The following EIF3H variants were observed in gnomAD, a reference collection of about 807,000 sequenced individuals.
EIF3H encodes eukaryotic translation initiation factor 3 subunit H.
In EIF3H, 26 loss-of-function variants were observed where a neutral mutation model predicts 44.2. That is an observed-to-expected ratio of 0.59 (90% CI 0.43 to 0.82). The LOEUF is 0.82. EIF3H is among the 40% of genes least tolerant of loss of function. The pLI, the probability that EIF3H is intolerant of heterozygous loss-of-function variation, is 0.00. For missense variants in EIF3H, 359 were observed against 432.8 expected, an observed-to-expected ratio of 0.83 and a Z score of 1.51; for synonymous variants, 166 against 151.9, an observed-to-expected ratio of 1.09 and a Z score of -0.68.
intron 1 of EIF3H, among the ~76,000 whole-genome samples, chr8:116,755,202 G>A (rs1173695712): frequency 6.6e-6 from 1 of 152,160 alleles, no homozygotes; most frequent in Non-Finnish European, 1.5e-5. Flanking sequence ...TTCAGATAAA[G>A]CGCCGAAGTA....
intron 2 of EIF3H, among the ~76,000 whole-genome samples, chr8:116,716,519 T>C (rs1814661224): frequency 6.6e-6 from 1 of 152,054 alleles, no homozygotes; most frequent in Admixed American, 6.6e-5. Context: ...AGAACAAATA[T>C]CGCACAAAAA....
At chr8:116,735,663 A>C (rs879468855) in intron 1 of EIF3H, among the ~76,000 whole-genome samples, 2 of 152,032 alleles carry the variant, frequency 1.3e-5, no homozygotes, top group Non-Finnish European at 2.9e-5. Flanking sequence ...CACCACCACC[A>C]CCACCACATA....
At chr8:116,680,600 T>C (rs1813966226) in intron 2 of EIF3H, among the ~76,000 whole-genome samples, 1 of 113,698 alleles carries the variant, frequency 8.8e-6, no homozygotes, top group Admixed American at 9.4e-5. Flanking sequence ...GTGCAAGATG[T>C]GCTTTGTTAA....
At chr8:116,703,972 C>A (rs999128514) in intron 2 of EIF3H, among the ~76,000 whole-genome samples, 6 of 152,220 alleles carry the variant, frequency 3.9e-5, no homozygotes, top group Non-Finnish European at 8.8e-5. Flanking sequence ...CAGGAGGCAG[C>A]ACTCGTGGTT....
At chr8:116,678,325 C>G (rs1484821608) in intron 2 of EIF3H, among the ~76,000 whole-genome samples, 2 of 150,806 alleles carry the variant, frequency 1.3e-5, no homozygotes, top group African/African-American at 4.9e-5. Context: ...AGTGCAGTGG[C>G]GTGATCTTGG....
chr8:116,647,379 C>T (rs1419359768), intron 6 of EIF3H, among the ~76,000 whole-genome samples: 3 of 152,120 alleles, frequency 2.0e-5, no homozygotes, highest in Non-Finnish European at 4.4e-5. Flanking sequence ...GGATTACAGG[C>T]GAGAGCCACC....
chr8:116,683,617 T>G (rs531270394), intron 2 of EIF3H, among the ~76,000 whole-genome samples: 7 of 152,204 alleles, frequency 4.6e-5, no homozygotes, highest in African/African-American at 1.7e-4. Flanking sequence ...TGATGGTACG[T>G]GTGCATGGGG....
rs774767420 is a variant in EIF3H, at chr8:116,646,570, G to A, written c.862C>T (p.Arg288Cys). Reference protein sequence around the residue: ...QQRRQQENMQRQSRGEPPLPE... With the variant: ...QQRRQQENMQCQSRGEPPLPE... Reference sequence around the variant, plus strand: ...AGCGGGGGTTCTCCTCGGCTCTGGCGCTGCATATTCTCCTGCTGGCGACGC... The same window carrying A: ...AGCGGGGGTTCTCCTCGGCTCTGGCACTGCATATTCTCCTGCTGGCGACGC... The change falls in exon 7 of 8, where the codon CGC (arginine) becomes TGC (cysteine). Residue 288 changes from arginine to cysteine, a missense_variant. Transcript: ENST00000521861. The A allele has an allele frequency of 9.3e-6, 15 of 1,614,094 alleles. No homozygotes were observed. The highest frequency in any genetic ancestry group is 9.3e-6 in the Non-Finnish European group (11 of 1,180,012).
At chr8:116,701,680 C>A (rs1814377701) in intron 2 of EIF3H, among the ~76,000 whole-genome samples, 1 of 152,156 alleles carries the variant, frequency 6.6e-6, no homozygotes, top group South Asian at 2.1e-4. Flanking sequence ...TCCCTACAAT[C>A]ATGAGAAAAC....
chr8:116,706,174 T>C (rs1368631425), intron 2 of EIF3H, among the ~76,000 whole-genome samples: 1 of 152,218 alleles, frequency 6.6e-6, no homozygotes, highest in Admixed American at 6.5e-5. Flanking sequence ...ACTAGATTAC[T>C]ACAGATAGCT....
At chr8:116,665,491 CA>C (rs948881224) in intron 2 of EIF3H, among the ~76,000 whole-genome samples, 9 of 151,088 alleles carry the variant, frequency 6.0e-5, no homozygotes, top group African/African-American at 1.9e-4. Flanking sequence ...TTCTTTGCAG[CA>C]AAAAAAACCC....
intron 2 of EIF3H, among the ~76,000 whole-genome samples, chr8:116,699,803 G>GTTTT (rs11390402): frequency 7.3e-5 from 11 of 151,640 alleles, no homozygotes; most frequent in African/African-American, 2.7e-4. Context: ...AGGTTTTTTG[G>GTTTT]TTTTTTTTGT....
At chr8:116,662,996 C>T (rs537878355) in intron 2 of EIF3H, among the ~76,000 whole-genome samples, 45 of 152,190 alleles carry the variant, frequency 3.0e-4, no homozygotes, top group Non-Finnish European at 8.8e-5. Context: ...CCCAGTTTGG[C>T]TACAAAACAG....
intron 2 of EIF3H, among the ~76,000 whole-genome samples, chr8:116,698,205 T>A (rs1189208378): frequency 1.3e-5 from 2 of 152,200 alleles, no homozygotes; most frequent in Non-Finnish European, 2.9e-5. Flanking sequence ...AACCATGGCT[T>A]TAACAAGTTG....
At chr8:116,755,580 G>C in intron 1 of EIF3H, 86 bp downstream of exon 1, 2 of 1,575,578 alleles carry the variant, frequency 1.3e-6, no homozygotes, top group Non-Finnish European at 1.7e-6. Context: ...AAGCCCAAGG[G>C]GGAGAATGCT....
chr8:116,731,773 C>A, intron 1 of EIF3H, among the ~76,000 whole-genome samples: 1 of 152,162 alleles, frequency 6.6e-6, no homozygotes, highest in East Asian at 1.9e-4. Flanking sequence ...CTGTTAAGAA[C>A]CGATGCTGAC....
At chr8:116,752,708 GAA>G (rs1187368352) in intron 1 of EIF3H, among the ~76,000 whole-genome samples, 57 of 128,654 alleles carry the variant, frequency 4.4e-4, no homozygotes, top group Admixed American at 3.8e-3. Context: ...AAGAAAGAAA[GAA>G]AGAAAGAAAG....
intron 1 of EIF3H, among the ~76,000 whole-genome samples, chr8:116,741,366 T>C (rs1200576300): frequency 2.0e-5 from 3 of 152,226 alleles, no homozygotes; most frequent in Non-Finnish European, 4.4e-5. Context: ...CTATCTCTCA[T>C]AACAACCAAT....
chr8:116,755,611 C>T (rs570079942), intron 1 of EIF3H, 55 bp downstream of exon 1: 18 of 1,606,860 alleles, frequency 1.1e-5, no homozygotes, highest in Non-Finnish European at 1.4e-5. Flanking sequence ...TCTGGTGGGA[C>T]GGGGCTGGGA....
Sources: allele counts gnomAD v4.1 joint callset (sites outside exome capture counted in the v4.1 genomes callset), GRCh38; gene constraint gnomAD v4.1.1; transcripts MANE v1.5; gene names NCBI Gene and HGNC (gene_info 2026-07-23, HGNC 2026-07-21).